The following ST18 variants were observed in gnomAD, a reference collection of about 807,000 sequenced individuals.
ST18 encodes the protein ST18 C2H2C-type zinc finger transcription factor, also known as suppression of tumorigenicity 18 protein.
A neutral mutation model predicts 110.0 loss-of-function variants in ST18; 50 were observed. That is an observed-to-expected ratio of 0.45 (90% CI 0.36 to 0.58). The LOEUF (loss-of-function observed/expected upper bound fraction) is 0.58. ST18 is among the 20% of genes least tolerant of loss of function. The pLI, the probability that ST18 is intolerant of heterozygous loss-of-function variation, is 0.00. For missense variants in ST18, 1,306 were observed against 1,280.1 expected (o/e 1.02, Z -0.31); for synonymous variants, 461 against 452.4 (o/e 1.02, Z -0.24).
In ST18 at chr8:52,155,550, C is replaced by A. The variant is rs149737127; in HGVS notation, c.1806+3348G>T. Among the ~76,000 whole-genome samples, 85 of 152,204 alleles carry A rather than the reference C, an allele frequency of 5.6e-4. 1 individual carries two copies. Among genetic ancestry groups the A allele is most frequent in the African/African-American group, 2.0e-3 (82 of 41,530 alleles). On this transcript the variant is annotated intron_variant, in intron 15 of 25. Coordinates refer to ENST00000689386, the MANE Select transcript of ST18 (RefSeq NM_001352837.2). The stretch of plus-strand genomic sequence containing the variant: ...GGATGCTGGTTGAGTGAATGGATGA[C>A]CATGTGAACAGCAGCATGAGCCTTC...
chr8:52,220,950 A>G (rs1408889623), intron 4 of ST18, 102 bp from the exon 5 acceptor site: 1 of 152,210 alleles, frequency 6.6e-6, no homozygotes, highest in Non-Finnish European at 1.5e-5. Context: ...AAGTGTTGAC[A>G]CTTATCTATA....
rs75381275 is a variant in ST18 at position 52,305,572 on chromosome 8, G to A, written c.-464-75495C>T. On this transcript the variant is annotated intron_variant, in intron 2 of 25. Coordinates refer to ENST00000689386, the MANE Select transcript of ST18 (RefSeq NM_001352837.2). Reference sequence around the variant, plus strand: ...TGAAATAAAAATTTCACATGAAAACGTCTTACCTTCTCTTTCACCACAGCT... The same window carrying A: ...TGAAATAAAAATTTCACATGAAAACATCTTACCTTCTCTTTCACCACAGCT... Among the ~76,000 whole-genome samples the A allele has an allele frequency of 3.5e-3, 535 of 152,256 alleles. 15 individuals carry two copies. In the East Asian group the frequency reaches 0.065, roughly 19 times the overall value.
chr8:52,169,569 G>A (rs1563829226), intron 10 of ST18, among the ~76,000 whole-genome samples: 1 of 152,196 alleles, frequency 6.6e-6, no homozygotes, highest in Non-Finnish European at 1.5e-5. Flanking sequence ...GCATGGTCAA[G>A]GTGTTGTCTG....
chr8:52,162,323 A>G (rs1029588440), intron 13 of ST18, among the ~76,000 whole-genome samples: 1 of 152,216 alleles, frequency 6.6e-6, no homozygotes. Context: ...AATAGTCACA[A>G]TTGTGACCAG....
intron 2 of ST18, among the ~76,000 whole-genome samples, chr8:52,358,813 A>C (rs960481856): frequency 6.6e-6 from 1 of 151,976 alleles, no homozygotes; most frequent in African/African-American, 2.4e-5. Context: ...AATTCTTCTA[A>C]AACTCTTCCA....
At chr8:52,405,920 T>C (rs970612588) in intron 2 of ST18, 6 of 152,230 alleles carry the variant, frequency 3.9e-5, no homozygotes, top group African/African-American at 1.4e-4. Context: ...TCATTAATTG[T>C]TGAAGCTCTC....
At chr8:52,368,553 A>T (rs1829047877) in intron 2 of ST18, among the ~76,000 whole-genome samples, 1 of 152,204 alleles carries the variant, frequency 6.6e-6, no homozygotes, top group Non-Finnish European at 1.5e-5. Context: ...TTTAAACATA[A>T]TGGATGCTTA....
chr8:52,248,685 G>C (rs1399749326), intron 2 of ST18, among the ~76,000 whole-genome samples: 3 of 152,172 alleles, frequency 2.0e-5, no homozygotes, highest in Admixed American at 2.0e-4. Context: ...TGCTGCTCCA[G>C]TGTCAGAAGC....
At chr8:52,319,351 A>T (rs997757523) in intron 2 of ST18, among the ~76,000 whole-genome samples, 6 of 152,246 alleles carry the variant, frequency 3.9e-5, no homozygotes, top group African/African-American at 1.4e-4. Flanking sequence ...GTTTTTGTCT[A>T]CTAGATCTGT....
At chr8:52,366,044 C>T (rs7017694) in intron 2 of ST18, among the ~76,000 whole-genome samples, 149,798 of 152,218 alleles carry the variant, frequency 0.98, 73,755 homozygotes, top group Middle Eastern at 1. Flanking sequence ...ATCATCATTG[C>T]TCCCACTTTA....
At chr8:52,191,630 G>A (rs138098341) in intron 8 of ST18, among the ~76,000 whole-genome samples, 1 of 152,314 alleles carries the variant, frequency 6.6e-6, no homozygotes, top group African/African-American at 2.4e-5. Flanking sequence ...GTTCACCTCA[G>A]CATCTGAGTT....
intron 2 of ST18, among the ~76,000 whole-genome samples, chr8:52,247,852 C>G (rs2093978276): frequency 6.6e-6 from 1 of 152,112 alleles, no homozygotes; most frequent in South Asian, 2.1e-4. Flanking sequence ...ACTCTATTTT[C>G]CCCACATACA....
chr8:52,137,645 C>T, intron 17 of ST18, 162 bp from the exon 18 acceptor site: 1 of 587,098 alleles, frequency 1.7e-6, no homozygotes, highest in Non-Finnish European at 2.9e-6. Flanking sequence ...TATATAAGAA[C>T]CAGTGGACTA....
chr8:52,255,612 T>G (rs535696415), intron 2 of ST18, among the ~76,000 whole-genome samples: 5 of 152,310 alleles, frequency 3.3e-5, no homozygotes, highest in African/African-American at 1.2e-4. Flanking sequence ...CATATTAACA[T>G]TTTTAAAACT....
chr8:52,305,577 A>G (rs2139611434), intron 2 of ST18, among the ~76,000 whole-genome samples: 1 of 152,292 alleles, frequency 6.6e-6, no homozygotes, highest in Middle Eastern at 3.4e-3. Flanking sequence ...AAAACGTCTT[A>G]CCTTCTCTTT....
rs948184147 is a variant in ST18 at position 52,409,611 on chromosome 8, G to A, written c.-653C>T. 1.3e-5 allele frequency: 2 copies of A among 152,120 alleles called. No individual in the cohort carries two copies. Among genetic ancestry groups the A allele is most frequent in the African/African-American group, 2.4e-5 (1 of 41,416 alleles). The allele number at this position is 152,120 out of a possible 1,614,324, so 9.4% of individuals were successfully genotyped here. On this transcript the variant is annotated 5_prime_UTR_variant, in exon 1 of 26. Coordinates refer to ENST00000689386, the MANE Select transcript of ST18 (RefSeq NM_001352837.2). Reference sequence around the variant, plus strand: ...TGATGCCAGCTTCTCTCTTCATGTGGCCTTATTAAAAGCCATGGTTTCCGA... The same window carrying A: ...TGATGCCAGCTTCTCTCTTCATGTGACCTTATTAAAAGCCATGGTTTCCGA...
At chr8:52,398,964 G>A (rs564793520) in intron 2 of ST18, among the ~76,000 whole-genome samples, 29 of 152,062 alleles carry the variant, frequency 1.9e-4, no homozygotes, top group African/African-American at 6.3e-4. Context: ...AAATGCGTTA[G>A]GAAGTATTGT....
chr8:52,165,243 C>T lies in ST18; in HGVS notation c.1205-18G>A, dbSNP rs767891336. The T allele has an allele frequency of 6.2e-7, 1 of 1,613,268 alleles. No individual in the cohort carries two copies. The highest frequency in any genetic ancestry group is 8.5e-7 in the Non-Finnish European group (1 of 1,179,346). On this transcript the variant is annotated intron_variant, in intron 11 of 25. Transcript: ENST00000689386. ...GGCAAGAACTAAGCACAAAACAACA[C>T]ATAAAGGAAAGAATACTTTACCATA...
intron 6 of ST18, among the ~76,000 whole-genome samples, chr8:52,214,479 G>A (rs1034790728): frequency 6.6e-6 from 1 of 152,164 alleles, no homozygotes; most frequent in African/African-American, 2.4e-5. Flanking sequence ...AGCGACAAGA[G>A]GGCAGATGTC....
Sources: gnomAD v4.1 joint callset for allele counts (sites outside exome capture counted in the v4.1 genomes callset) on GRCh38, gnomAD v4.1.1 for gene constraint, MANE v1.5 for transcripts, NCBI Gene and HGNC (gene_info 2026-07-23, HGNC 2026-07-21) for gene names.